SLC19A1: variants seen among roughly 807,000 people sequenced by gnomAD.
SLC19A1 encodes reduced folate transporter.
In SLC19A1, 37 loss-of-function variants were observed where a neutral mutation model predicts 35.3. That is an observed-to-expected ratio of 1.05 (90% CI 0.81 to 1.38). The LOEUF is 1.38. SLC19A1 is among the 40% of genes most tolerant of loss of function. The pLI, the probability that SLC19A1 is intolerant of heterozygous loss-of-function variation, is 0.00. For synonymous variants in SLC19A1, 460 were observed against 398.5 expected, an observed-to-expected ratio of 1.15 and a Z score of -1.84; for missense variants, 831 against 826.9, an observed-to-expected ratio of 1.00 and a Z score of -0.06.
Position 45,505,511 on chromosome 21 carries a change from C to A in SLC19A1, c.498-6899G>T, listed in dbSNP as rs62214274. The A allele has an allele frequency of 0.36, 278,253 of 782,302 alleles. 52,914 individuals are homozygous for A. The highest frequency in any genetic ancestry group is 0.57 in the African/African-American group (33,599 of 58,510). 48.5% of individuals were successfully genotyped at this position (782,302 alleles called of 1,614,324 possible). On this transcript the variant is annotated intron_variant, in intron 3 of 4. Coordinates refer to the SLC19A1 transcript ENST00000417954. ...GCAGCCCCTGCCCCTCAGAGACACT[C>A]TCCCACGGACCCCACAGGGAGATAT...
chr21:45,510,171 C>G, downstream of SLC19A1: 2 of 1,595,576 alleles, frequency 1.3e-6, no homozygotes, highest in Admixed American at 3.4e-5. Context: ...TGGCGGGCAC[C>G]TTCCGCGCCT....
At position 45,540,371 on chromosome 21, in the gene SLC19A1, C is replaced by T. The variant is rs2078266350; in HGVS notation, c.-50+1997G>A. 3.3e-5 allele frequency among the ~76,000 whole-genome samples: 5 copies of T among 152,154 alleles called. No individual in the cohort carries two copies. The highest frequency in any genetic ancestry group is 5.9e-5 in the Non-Finnish European group (4 of 68,022). ...GGTCTGCGCCCACAGTCCATGGCCG[C>T]AGGAGTCAGATCCCCACCCACAGGA... On this transcript the variant is annotated intron_variant, in intron 1 of 5. Transcript: ENST00000311124. The surrounding 1 kb of genome is among the most constrained non-coding windows in gnomAD (Gnocchi z 5.5).
At chr21:45,527,046 G>A (rs1397060320) in intron 4 of SLC19A1, among the ~76,000 whole-genome samples, 2 of 152,294 alleles carry the variant, frequency 1.3e-5, no homozygotes, top group Non-Finnish European at 2.9e-5. Flanking sequence ...AGACAGAAAA[G>A]TCTAGAATGA....
intron 1 of SLC19A1, among the ~76,000 whole-genome samples, chr21:45,553,508 C>T (rs1044748766): frequency 6.6e-6 from 1 of 151,768 alleles, no homozygotes; most frequent in African/African-American, 2.4e-5. Context: ...TTTAACTGCA[C>T]ACTTCAATGG....
chr21:45,510,055 T>C (rs2037485320), downstream of SLC19A1: 19 of 1,551,202 alleles, frequency 1.2e-5, no homozygotes, highest in Non-Finnish European at 1.3e-5. Context: ...CGCGCCCCTC[T>C]CCCCGCAGCT....
At chr21:45,520,736 A>G (rs1432566324) in intron 5 of SLC19A1, among the ~76,000 whole-genome samples, 3 of 152,230 alleles carry the variant, frequency 2.0e-5, no homozygotes, top group Admixed American at 1.3e-4. Flanking sequence ...GAAGACAGAC[A>G]CTAGCCGGGC....
intron 1 of SLC19A1, among the ~76,000 whole-genome samples, chr21:45,553,405 C>T (rs537959747): frequency 4.0e-5 from 6 of 151,640 alleles, no homozygotes; most frequent in African/African-American, 7.3e-5. Flanking sequence ...GGAGGCAGCC[C>T]GGCCCATCAC....
chr21:45,535,710 C>T (rs2078089076), intron 2 of SLC19A1, among the ~76,000 whole-genome samples: 1 of 152,222 alleles, frequency 6.6e-6, no homozygotes, highest in Non-Finnish European at 1.5e-5. Flanking sequence ...CTACCTGCAG[C>T]CATCACCTGC....
At chr21:45,559,910 A>G (rs956225178) in intron 1 of SLC19A1, among the ~76,000 whole-genome samples, 1 of 151,662 alleles carries the variant, frequency 6.6e-6, no homozygotes, top group Non-Finnish European at 1.5e-5. Flanking sequence ...AGCCCTCCAC[A>G]TGGGCAGTGG....
chr21:45,515,824 AGG>A lies in SLC19A1; in HGVS notation c.1608_1609del (p.Leu537GlufsTer20). On this transcript the variant is annotated frameshift_variant, in exon 6 of 6. Coordinates refer to ENST00000311124, the MANE Select transcript of SLC19A1 (RefSeq NM_194255.4). LOFTEE classifies it low-confidence loss of function (END_TRUNC). ...GGGGGAAGGGGTTGTCACTGGGCTC[AGG>A]AATTCAGCTGCCTGCGGGGCCGGGG... is the stretch of plus-strand genomic sequence containing the variant. The A allele has an allele frequency of 6.2e-7, 1 of 1,608,468 alleles. No individual in the cohort carries two copies. Among genetic ancestry groups the A allele is most frequent in the Non-Finnish European group, 8.5e-7 (1 of 1,176,410 alleles).
chr21:45,509,740 AG>A, downstream of SLC19A1: 1 of 708,316 alleles, frequency 1.4e-6, no homozygotes, highest in East Asian at 2.7e-5. Flanking sequence ...AGGGCCACTC[AG>A]GGCGGCTTGG....
At chr21:45,537,563 C>T (rs1403349074) in intron 2 of SLC19A1, among the ~76,000 whole-genome samples, 2 of 139,690 alleles carry the variant, frequency 1.4e-5, no homozygotes, top group African/African-American at 5.3e-5. Flanking sequence ...GGCACCCCGG[C>T]ACCCACGTGC....
downstream of SLC19A1, chr21:45,512,434 C>G (rs529896759): frequency 6.3e-7 from 1 of 1,593,154 alleles, no homozygotes; most frequent in Non-Finnish European, 8.5e-7. Flanking sequence ...AGAGGACCGG[C>G]GGCTCGGAGG....
chr21:45,505,059 G>A, intron 3 of SLC19A1: 1 of 1,556,508 alleles, frequency 6.4e-7, no homozygotes. Context: ...CTTGGCAGCT[G>A]CAGCCCCACA....
chr21:45,512,376 G>C, downstream of SLC19A1: 1 of 1,612,688 alleles, frequency 6.2e-7, no homozygotes, highest in East Asian at 2.2e-5. Flanking sequence ...ATTGAGAACA[G>C]CTTCATGACT....
At chr21:45,508,709 A>T (rs114834044), downstream of SLC19A1, among the ~76,000 whole-genome samples, 2,314 of 152,068 alleles carry the variant, frequency 0.015, 28 homozygotes, top group African/African-American at 0.036. Context: ...GTCTGCTCTC[A>T]CTCATTTGCT....
intron 4 of SLC19A1, 92 bp from the exon 5 acceptor site, chr21:45,526,050 G>T: frequency 7.0e-7 from 1 of 1,425,960 alleles, no homozygotes; most frequent in South Asian, 1.2e-5. Context: ...ACCAGCCCAT[G>T]ACCCGCCCGG....
At chr21:45,531,012 G>C (rs780538241) in intron 3 of SLC19A1, 41 bp from the exon 4 acceptor site, 3 of 1,130,616 alleles carry the variant, frequency 2.7e-6, no homozygotes, top group African/African-American at 1.8e-5. Flanking sequence ...GCCCTGGGGG[G>C]CCACGGGGCA....
At chr21:45,527,221 G>C (rs1387332515) in intron 4 of SLC19A1, among the ~76,000 whole-genome samples, 2 of 149,754 alleles carry the variant, frequency 1.3e-5, no homozygotes, top group Non-Finnish European at 3.0e-5. Flanking sequence ...GGGCCCTGGA[G>C]GTGAGTGGCA....
Sources: gnomAD v4.1 joint callset for allele counts (sites outside exome capture counted in the v4.1 genomes callset) on GRCh38, gnomAD v4.1.1 for gene constraint, Gnocchi (gnomAD v3.1) non-coding constraint, MANE v1.5 for transcripts, NCBI Gene and HGNC (gene_info 2026-07-23, HGNC 2026-07-21) for gene names.